ARB2A: variants seen among roughly 807,000 people sequenced by gnomAD.
ARB2A encodes cotranscriptional regulator ARB2A.
At chr5:93,676,219 A>G in the ARB2A span, among the ~76,000 whole-genome samples, 15 of 152,296 alleles carry the variant, frequency 9.8e-5, no homozygotes, top group East Asian at 2.7e-3. Context: ...ATGACCAAGT[A>G]CAAGTATCAA....
the ARB2A span, among the ~76,000 whole-genome samples, chr5:93,654,094 C>G: frequency 1.3e-5 from 2 of 152,150 alleles, no homozygotes; most frequent in African/African-American, 4.8e-5. Flanking sequence ...CATAGTCTGT[C>G]CTTGAAGAGC....
At chr5:93,744,758 T>G in the ARB2A span, among the ~76,000 whole-genome samples, 6 of 152,324 alleles carry the variant, frequency 3.9e-5, no homozygotes, top group Admixed American at 2.0e-4. Context: ...CCAAGACAAC[T>G]GGTGCTGTTT....
the ARB2A span, among the ~76,000 whole-genome samples, chr5:93,907,511 A>T: frequency 6.6e-6 from 1 of 151,382 alleles, no homozygotes; most frequent in Non-Finnish European, 1.5e-5. Context: ...ATCATCTAAT[A>T]GGGCAACAAT....
chr5:93,698,559 G>A, the ARB2A span, among the ~76,000 whole-genome samples: 1 of 152,092 alleles, frequency 6.6e-6, no homozygotes, highest in East Asian at 1.9e-4. Context: ...AATGAGGGGT[G>A]AGCCTGTGGT....
chr5:93,849,287 T>C, the ARB2A span, among the ~76,000 whole-genome samples: 1 of 152,158 alleles, frequency 6.6e-6, no homozygotes, highest in South Asian at 2.1e-4. Flanking sequence ...CTGTGTAACT[T>C]GAAAATTAAT....
chr5:93,683,526 T>C, the ARB2A span: 5 of 1,530,178 alleles, frequency 3.3e-6, no homozygotes, highest in Non-Finnish European at 4.5e-6. Context: ...TCGTAATTCA[T>C]GGCCTCTGCT....
At chr5:93,772,659 G>A in the ARB2A span, among the ~76,000 whole-genome samples, 1 of 152,160 alleles carries the variant, frequency 6.6e-6, no homozygotes, top group African/African-American at 2.4e-5. Context: ...TCAAGGTGTT[G>A]GCTGGGGTTG....
chr5:93,926,884 A>C, the ARB2A span, among the ~76,000 whole-genome samples: 1 of 152,110 alleles, frequency 6.6e-6, no homozygotes, highest in African/African-American at 2.4e-5. Flanking sequence ...ACATATAAAG[A>C]AAACACTGAG....
At chr5:93,865,972 A>G in the ARB2A span, 1 of 985,482 alleles carries the variant, frequency 1.0e-6, no homozygotes. Context: ...GTTGCTAGTA[A>G]GAATTATGTC....
At chr5:93,628,207 C>T in the ARB2A span, among the ~76,000 whole-genome samples, 2 of 151,746 alleles carry the variant, frequency 1.3e-5, no homozygotes, top group Non-Finnish European at 1.5e-5. Context: ...CGTGCCACCA[C>T]GCCCGGCTAA....
chr5:93,792,169 T>A, the ARB2A span, among the ~76,000 whole-genome samples: 1 of 152,174 alleles, frequency 6.6e-6, no homozygotes, highest in Non-Finnish European at 1.5e-5. Flanking sequence ...GTATAAGTGA[T>A]CATCATGTTG....
At chr5:93,671,681 T>C in the ARB2A span, among the ~76,000 whole-genome samples, 1 of 152,272 alleles carries the variant, frequency 6.6e-6, no homozygotes, top group African/African-American at 2.4e-5. Flanking sequence ...CCCTCAATTT[T>C]TCAATGAGCT....
the ARB2A span, among the ~76,000 whole-genome samples, chr5:93,951,914 A>T: frequency 6.6e-6 from 1 of 152,264 alleles, no homozygotes; most frequent in Non-Finnish European, 1.5e-5. Context: ...GAGATAACTT[A>T]CAACACAGTG....
chr5:93,775,413 C>T, the ARB2A span, among the ~76,000 whole-genome samples: 1 of 152,226 alleles, frequency 6.6e-6, no homozygotes, highest in Non-Finnish European at 1.5e-5. Flanking sequence ...TGCCACTGCT[C>T]ACTTGGCTGA....
the ARB2A span, among the ~76,000 whole-genome samples, chr5:93,658,473 T>C: frequency 6.6e-6 from 1 of 152,128 alleles, no homozygotes; most frequent in East Asian, 1.9e-4. Context: ...AGAATCTGTG[T>C]GATTTCATTT....
At chr5:93,682,797 T>A in the ARB2A span, 26 of 1,078,694 alleles carry the variant, frequency 2.4e-5, no homozygotes, top group Admixed American at 1.0e-4. Context: ...AGAAATGAAA[T>A]AAGACGGAAA....
At chr5:93,905,525 G>A in the ARB2A span, among the ~76,000 whole-genome samples, 12 of 151,408 alleles carry the variant, frequency 7.9e-5, no homozygotes, top group Admixed American at 1.3e-4. Context: ...GGTTTATAAC[G>A]ATAAAAACTG....
the ARB2A span, among the ~76,000 whole-genome samples, chr5:93,653,553 A>AAAAAAAAAAC: frequency 7.7e-6 from 1 of 130,126 alleles, no homozygotes; most frequent in African/African-American, 3.0e-5. Flanking sequence ...AAAAAAAAAA[A>AAAAAAAAAAC]AAAGACATTA....
At chr5:93,700,979 G>A in the ARB2A span, among the ~76,000 whole-genome samples, 16 of 152,064 alleles carry the variant, frequency 1.1e-4, no homozygotes, top group South Asian at 2.1e-4. Context: ...ATGAAAATAC[G>A]GCTCTCCTAA....
Sources: allele counts gnomAD v4.1 joint callset (sites outside exome capture counted in the v4.1 genomes callset), GRCh38; gene constraint gnomAD v4.1.1; transcripts MANE v1.5; gene names NCBI Gene and HGNC (gene_info 2026-07-23, HGNC 2026-07-21).